Variants in MYO16 observed in about 807,000 individuals in gnomAD.
MYO16 encodes the protein unconventional myosin-XVI.
In MYO16, 94 loss-of-function variants were observed where a neutral mutation model predicts 205.3. The observed-to-expected ratio is 0.46, with a 90% confidence interval of 0.39 to 0.54. The LOEUF (loss-of-function observed/expected upper bound fraction) is 0.54. MYO16 is among the 20% of genes least tolerant of loss of function. The pLI is 0.00. For synonymous variants in MYO16, 988 were observed against 954.0 expected (o/e 1.04, Z -0.66); for missense variants, 2,315 against 2,387.5 (o/e 0.97, Z 0.63).
At chr13:108,682,068 C>T (rs921325833) in intron 2 of MYO16, among the ~76,000 whole-genome samples, 2 of 152,168 alleles carry the variant, frequency 1.3e-5, no homozygotes, top group South Asian at 2.1e-4. Flanking sequence ...ACCCCCACCA[C>T]GCTCCAATTT....
chr13:108,744,834 GA>G (rs1320044552), intron 4 of MYO16, among the ~76,000 whole-genome samples: 1 of 152,158 alleles, frequency 6.6e-6, no homozygotes, highest in Non-Finnish European at 1.5e-5. Flanking sequence ...AGTGGCCTTT[GA>G]AGACAAGAGC....
At chr13:108,642,578 C>T (rs1880553709) in intron 1 of MYO16, among the ~76,000 whole-genome samples, 1 of 152,052 alleles carries the variant, frequency 6.6e-6, no homozygotes, top group South Asian at 2.1e-4. Flanking sequence ...CCACCACGCC[C>T]AGCTAATTTT....
chr13:108,939,260 C>T (rs563005321), intron 16 of MYO16, among the ~76,000 whole-genome samples: 5 of 152,316 alleles, frequency 3.3e-5, no homozygotes, highest in Admixed American at 6.5e-5. Flanking sequence ...CAAGCCTCTC[C>T]GCCAGGTAAC....
intron 32 of MYO16, among the ~76,000 whole-genome samples, chr13:109,151,574 C>A (rs1877669580): frequency 6.6e-6 from 1 of 152,184 alleles, no homozygotes; most frequent in African/African-American, 2.4e-5. Flanking sequence ...AAAAGAGCTT[C>A]TTCATACTGA....
chr13:108,526,781 T>G, the MYO16 span, among the ~76,000 whole-genome samples: 1 of 152,242 alleles, frequency 6.6e-6, no homozygotes, highest in Admixed American at 6.5e-5. Context: ...AATATTCTGT[T>G]ATTTCTGCCT....
rs190889571 is a variant in MYO16 at position 109,144,722 on chromosome 13, A to G, written c.5164+3346A>G. ...AAAGTTCATTTTTTGTTCAATTTTC[A>G]TAGGAGAAAATTATTGCACAAATTT... is the stretch of plus-strand genomic sequence containing the variant. On this transcript the variant is annotated intron_variant, in intron 32 of 34. Coordinates refer to ENST00000457511, the MANE Select transcript of MYO16 (RefSeq NM_001198950.3). 1.7e-3 allele frequency among the ~76,000 whole-genome samples: 256 copies of G among 152,342 alleles called. 2 individuals are homozygous for G. The highest frequency in any genetic ancestry group is 0.015 in the Admixed American group (228 of 15,302).
chr13:109,144,089 ACTGCAG>A (rs1183016138), intron 32 of MYO16, among the ~76,000 whole-genome samples: 1 of 149,638 alleles, frequency 6.7e-6, no homozygotes, highest in African/African-American at 2.5e-5. Context: ...ATCTTGGCTG[ACTGCAG>A]CCTCTGCCTT....
intron 23 of MYO16, among the ~76,000 whole-genome samples, chr13:109,034,204 A>G (rs920624664): frequency 9.2e-5 from 14 of 152,188 alleles, no homozygotes; most frequent in Non-Finnish European, 1.9e-4. Context: ...AATTAGAGAT[A>G]ATTTTTAATT....
At chr13:108,510,474 T>TG in the MYO16 span, among the ~76,000 whole-genome samples, 1 of 131,372 alleles carries the variant, frequency 7.6e-6, no homozygotes, top group Non-Finnish European at 1.6e-5. Flanking sequence ...TTTTTTTTTT[T>TG]TTTTTTTTTT....
intron 6 of MYO16, among the ~76,000 whole-genome samples, chr13:108,801,458 C>T (rs988812840): frequency 3.3e-5 from 5 of 152,284 alleles, no homozygotes; most frequent in African/African-American, 1.2e-4. Context: ...AAATGGAAAT[C>T]ACTACGGACA....
chr13:108,978,080 A>G (rs951893470), intron 20 of MYO16, among the ~76,000 whole-genome samples: 6 of 151,636 alleles, frequency 4.0e-5, no homozygotes, highest in African/African-American at 1.2e-4. Context: ...GTGTGGCTAT[A>G]ATGAGTTCTA....
intron 1 of MYO16, among the ~76,000 whole-genome samples, chr13:108,609,301 A>G (rs1879084084): frequency 6.6e-6 from 1 of 152,180 alleles, no homozygotes; most frequent in Non-Finnish European, 1.5e-5. Context: ...AAATGGGTGC[A>G]AAGACAAAGG....
intron 5 of MYO16, among the ~76,000 whole-genome samples, chr13:108,793,314 G>T (rs1306090545): frequency 6.7e-6 from 1 of 149,990 alleles, no homozygotes; most frequent in Non-Finnish European, 1.5e-5. Flanking sequence ...AACATAACAA[G>T]AGATAATTTT....
At chr13:108,998,174 T>C (rs1451359748) in intron 21 of MYO16, among the ~76,000 whole-genome samples, 1 of 145,608 alleles carries the variant, frequency 6.9e-6, no homozygotes, top group African/African-American at 2.5e-5. Flanking sequence ...TAACTTTTCT[T>C]AATTGGACTT....
At chr13:108,526,090 T>G in the MYO16 span, among the ~76,000 whole-genome samples, 2 of 152,142 alleles carry the variant, frequency 1.3e-5, no homozygotes, top group Non-Finnish European at 2.9e-5. Flanking sequence ...TCCTGCCCTT[T>G]TAAGATTACT....
At chr13:108,599,766 A>G (rs1878696692) in intron 1 of MYO16, among the ~76,000 whole-genome samples, 1 of 152,132 alleles carries the variant, frequency 6.6e-6, no homozygotes. Context: ...CAATTACTAT[A>G]ATTTTCTGTC....
At chr13:108,911,713 C>T (rs1364461684) in intron 16 of MYO16, among the ~76,000 whole-genome samples, 2 of 152,158 alleles carry the variant, frequency 1.3e-5, no homozygotes, top group Non-Finnish European at 2.9e-5. Context: ...GGAGATGTCC[C>T]TATGGTATTC....
chr13:109,180,406 C>A lies in MYO16; in HGVS notation c.5415+773C>A, dbSNP rs576886569. ...GCATTCAAGGTGATGCACAAACCAC[C>A]CATTAGAGAGACTTTGTTATCAATA... On this transcript the variant is annotated intron_variant, in intron 34 of 34. Coordinates refer to ENST00000457511, the MANE Select transcript of MYO16 (RefSeq NM_001198950.3). 3.9e-5 allele frequency among the ~76,000 whole-genome samples: 6 copies of A among 152,200 alleles called. No individual in the cohort carries two copies. In the East Asian group the frequency reaches 1.2e-3, roughly 29 times the overall value.
intron 2 of MYO16, among the ~76,000 whole-genome samples, chr13:108,690,394 G>A (rs1044640032): frequency 1.3e-5 from 2 of 151,352 alleles, no homozygotes; most frequent in Non-Finnish European, 2.9e-5. Context: ...TTGGTCTTGC[G>A]GTACTCAACG....
Sources: gnomAD v4.1 joint callset for allele counts (sites outside exome capture counted in the v4.1 genomes callset) on GRCh38, gnomAD v4.1.1 for gene constraint, MANE v1.5 for transcripts, NCBI Gene and HGNC (gene_info 2026-07-23, HGNC 2026-07-21) for gene names.